The following SLC35F1 variants were observed in gnomAD, a reference collection of about 807,000 sequenced individuals.
SLC35F1 encodes the protein solute carrier family 35 member F1, also known as chromosome 6 open reading frame 169.
In SLC35F1, 14 loss-of-function variants were observed where a neutral mutation model predicts 48.7. The ratio of observed to expected loss-of-function variants is 0.29; its 90% CI spans 0.19 to 0.45. SLC35F1 has a LOEUF of 0.45. Among genes scored for constraint, SLC35F1 ranks in the 20% least tolerant of loss-of-function variants. SLC35F1 has a pLI of 1.00. For synonymous variants in SLC35F1, 190 were observed against 202.2 expected (o/e 0.94, Z 0.51); for missense variants, 404 against 500.0 (o/e 0.81, Z 1.83).
chr6:118,311,920 T>G (rs1331258654), intron 7 of SLC35F1, among the ~76,000 whole-genome samples: 1 of 152,224 alleles, frequency 6.6e-6, no homozygotes, highest in Non-Finnish European at 1.5e-5. Context: ...GAAGCTAATG[T>G]GAATTGAATG....
chr6:118,267,076 A>C lies in SLC35F1; in HGVS notation c.559A>C (p.Ile187Leu). The change falls in exon 4 of 8, where the codon ATC (isoleucine) becomes CTC (leucine). Residue 187 changes from isoleucine to leucine, a missense_variant. Physicochemically the swap from Ile to Leu is conservative, Grantham distance 5 (BLOSUM62 2). Around this residue, in one of 2 missense-constraint regions of SLC35F1, gnomAD observed 306 missense variants for 419.1 expected, o/e 0.73. Transcript: ENST00000360388. ...GATCCGGTACAAGGCTGTGCATTTC[A>C]TCGGCATCGTTGTCTGCATCCTGGG... is the stretch of plus-strand genomic sequence containing the variant. ...LLIRYKAVHF[I>L]GIVVCILGMG... 1 of 1,613,964 alleles carries C rather than the reference A, an allele frequency of 6.2e-7. No homozygotes were observed. The highest frequency in any genetic ancestry group is 8.5e-7 in the Non-Finnish European group (1 of 1,179,904).
chr6:117,988,650 A>AT (rs775714192), intron 1 of SLC35F1, among the ~76,000 whole-genome samples: 68 of 152,172 alleles, frequency 4.5e-4, no homozygotes, highest in Non-Finnish European at 8.8e-4. Flanking sequence ...ATTAACTCTG[A>AT]TTTTTTTTGT....
At chr6:118,254,870 C>A (rs1775622174) in intron 3 of SLC35F1, among the ~76,000 whole-genome samples, 1 of 152,034 alleles carries the variant, frequency 6.6e-6, no homozygotes, top group Non-Finnish European at 1.5e-5. Flanking sequence ...TTAAGACAAC[C>A]ACTTCTCCAA....
chr6:117,933,677 C>G (rs1259983927), intron 1 of SLC35F1, among the ~76,000 whole-genome samples: 3 of 152,194 alleles, frequency 2.0e-5, no homozygotes, highest in Non-Finnish European at 4.4e-5. Flanking sequence ...CCAGCTCTCT[C>G]TCTTCCCACT....
chr6:118,076,321 T>C (rs1405308286), intron 1 of SLC35F1, among the ~76,000 whole-genome samples: 4 of 152,188 alleles, frequency 2.6e-5, no homozygotes, highest in Non-Finnish European at 4.4e-5. Context: ...TCTAGCTAAT[T>C]GTTTCCAACA....
chr6:118,311,282 A>G (rs1319580725), intron 7 of SLC35F1, among the ~76,000 whole-genome samples: 1 of 152,308 alleles, frequency 6.6e-6, no homozygotes, highest in East Asian at 1.9e-4. Flanking sequence ...AAGGCACTGC[A>G]TTATCTAGTT....
In SLC35F1 at chr6:117,927,867, A is replaced by G. The variant is rs148745493; in HGVS notation, c.173+19968A>G. Among the ~76,000 whole-genome samples, 89 of 152,276 alleles carry G rather than the reference A, an allele frequency of 5.8e-4. 1 individual carries two copies. The highest frequency in any genetic ancestry group is 2.1e-3 in the African/African-American group (87 of 41,558). ...CAGCCTTGTACTTTCTATTGCAGCC[A>G]TTAGAGGAGCTAATCAGAGAAGCTA... On this transcript the variant is annotated intron_variant, in intron 1 of 7. Transcript: ENST00000360388.
intron 2 of SLC35F1, among the ~76,000 whole-genome samples, chr6:118,213,533 A>G (rs1384580840): frequency 6.6e-6 from 1 of 152,234 alleles, no homozygotes; most frequent in Admixed American, 6.5e-5. Flanking sequence ...TGTTTATTGT[A>G]GCATTGTTTA....
At chr6:118,256,697 C>G (rs1310758835) in intron 3 of SLC35F1, among the ~76,000 whole-genome samples, 1 of 152,182 alleles carries the variant, frequency 6.6e-6, no homozygotes, top group Non-Finnish European at 1.5e-5. Context: ...TTTTTGCACT[C>G]TCATACATAA....
intron 1 of SLC35F1, among the ~76,000 whole-genome samples, chr6:118,089,672 C>T (rs1172276112): frequency 2.6e-5 from 4 of 152,178 alleles, no homozygotes; most frequent in African/African-American, 9.7e-5. Flanking sequence ...AGTACTGGCT[C>T]AAAGACAGAC....
At chr6:117,933,786 G>A (rs1562242048) in intron 1 of SLC35F1, among the ~76,000 whole-genome samples, 1 of 152,034 alleles carries the variant, frequency 6.6e-6, no homozygotes, top group South Asian at 2.1e-4. Context: ...GGTGTGGTGG[G>A]CTCCATGACT....
intron 1 of SLC35F1, among the ~76,000 whole-genome samples, chr6:118,079,665 G>A (rs377239051): frequency 6.9e-4 from 105 of 152,208 alleles, no homozygotes; most frequent in Non-Finnish European, 1.2e-3. Flanking sequence ...ATGCTGGTAC[G>A]GACATTTTCC....
At chr6:117,921,952 G>T (rs1335154549) in intron 1 of SLC35F1, among the ~76,000 whole-genome samples, 5 of 152,190 alleles carry the variant, frequency 3.3e-5, no homozygotes, top group African/African-American at 4.8e-5. Flanking sequence ...GTGGCTTGGT[G>T]AATTAAGACA....
At chr6:118,014,143 G>A (rs1216847517) in intron 1 of SLC35F1, among the ~76,000 whole-genome samples, 2 of 152,138 alleles carry the variant, frequency 1.3e-5, no homozygotes, top group African/African-American at 2.4e-5. Flanking sequence ...CTTGCAAAAT[G>A]GGTATAATAA....
At chr6:117,996,011 C>G (rs1450041432) in intron 1 of SLC35F1, among the ~76,000 whole-genome samples, 1 of 152,154 alleles carries the variant, frequency 6.6e-6, no homozygotes, top group East Asian at 1.9e-4. Context: ...CATTTCCCAT[C>G]TTTGTGGAAA....
At chr6:117,914,756 A>G (rs1775807369) in intron 1 of SLC35F1, among the ~76,000 whole-genome samples, 1 of 152,224 alleles carries the variant, frequency 6.6e-6, no homozygotes, top group South Asian at 2.1e-4. Context: ...CTGACAAAAA[A>G]TCCCCATAAA....
At chr6:118,001,693 C>G (rs1582611624) in intron 1 of SLC35F1, among the ~76,000 whole-genome samples, 2 of 152,194 alleles carry the variant, frequency 1.3e-5, no homozygotes. Flanking sequence ...ATTTTCACAT[C>G]CTACTTATCT....
chr6:118,062,679 A>AT lies in SLC35F1; in HGVS notation c.174-91762dup, dbSNP rs569029906. 2.5e-3 allele frequency among the ~76,000 whole-genome samples: 376 copies of AT among 152,300 alleles called. 1 individual carries two copies. Among genetic ancestry groups the AT allele is most frequent in the Admixed American group, 7.5e-3 (115 of 15,284 alleles). The stretch of plus-strand genomic sequence containing the variant: ...TTAGTACAGTACATGAAAATATGTG[A>AT]TTTTAAACCAAACACAGTAGTTCTA... On this transcript the variant is annotated intron_variant, in intron 1 of 7. Coordinates refer to ENST00000360388, the MANE Select transcript of SLC35F1 (RefSeq NM_001029858.4).
chr6:118,151,843 T>C (rs1271617786), intron 1 of SLC35F1, among the ~76,000 whole-genome samples: 1 of 152,138 alleles, frequency 6.6e-6, no homozygotes, highest in East Asian at 1.9e-4. Context: ...TTAATTCTGG[T>C]ACTCCTTTTT....
Sources: gnomAD v4.1 joint callset for allele counts (sites outside exome capture counted in the v4.1 genomes callset) on GRCh38, gnomAD v4.1.1 for gene constraint, gnomAD v4.1.1 regional missense constraint, MANE v1.5 for transcripts, NCBI Gene and HGNC (gene_info 2026-07-23, HGNC 2026-07-21) for gene names.